The following FBN2 variants were observed in gnomAD, a reference collection of about 807,000 sequenced individuals.
FBN2 encodes the protein fibrillin 2, also known as fibrillin-2.
FBN2 carries 105 observed loss-of-function variants against 355.6 expected under a neutral mutation model. That is an observed-to-expected ratio of 0.30 (90% CI 0.25 to 0.35). The LOEUF is 0.35. Among genes scored for constraint, FBN2 ranks in the 10% least tolerant of loss-of-function variants. The pLI is 1.00. For synonymous variants in FBN2, 1,350 were observed against 1,301.2 expected, an observed-to-expected ratio of 1.04 and a Z score of -0.81; for missense variants, 3,280 against 3,758.7, an observed-to-expected ratio of 0.87 and a Z score of 3.33.
At chr5:128,460,056 T>C (rs1055526531) in intron 6 of FBN2, among the ~76,000 whole-genome samples, 1 of 152,206 alleles carries the variant, frequency 6.6e-6, no homozygotes. Flanking sequence ...ATTGTATATT[T>C]AGAAAACCGC....
At chr5:128,321,339 G>C (rs985725802) in intron 34 of FBN2, among the ~76,000 whole-genome samples, 2 of 152,168 alleles carry the variant, frequency 1.3e-5, no homozygotes, top group African/African-American at 4.8e-5. Flanking sequence ...TACATGTACA[G>C]AATGTGCAGG....
chr5:128,417,597 T>C (rs1224616139), intron 7 of FBN2, among the ~76,000 whole-genome samples: 4 of 152,170 alleles, frequency 2.6e-5, no homozygotes, highest in African/African-American at 4.8e-5. Flanking sequence ...CCTGCATCTA[T>C]TGAGATGATC....
intron 5 of FBN2, among the ~76,000 whole-genome samples, chr5:128,487,409 A>C (rs777138970): frequency 1.3e-5 from 2 of 152,186 alleles, no homozygotes; most frequent in Admixed American, 6.6e-5. Flanking sequence ...TGACTAATAC[A>C]AGGTCTCAGA....
At position 128,358,943 on chromosome 5, in the gene FBN2, T is replaced by C. The variant is rs145315689; in HGVS notation, c.2555-1548A>G. ...CTATTTAGTTTTCCTTTAAATAATA[T>C]GTTGTTATGTTATAAATGTCATGGA... On this transcript the variant is annotated intron_variant, in intron 19 of 64. Coordinates refer to ENST00000262464, the MANE Select transcript of FBN2 (RefSeq NM_001999.4). 2.6e-3 allele frequency among the ~76,000 whole-genome samples: 403 copies of C among 152,138 alleles called. 2 individuals carry two copies. Among genetic ancestry groups the C allele is most frequent in the African/African-American group, 9.3e-3 (387 of 41,556 alleles).
chr5:128,324,391 T>C (rs772169107), intron 34 of FBN2, among the ~76,000 whole-genome samples: 1 of 152,214 alleles, frequency 6.6e-6, no homozygotes, highest in Non-Finnish European at 1.5e-5. Context: ...GTGTTGATTT[T>C]AGATCTTTCT....
At chr5:128,359,454 CA>C (rs1307706476) in intron 19 of FBN2, among the ~76,000 whole-genome samples, 1 of 151,964 alleles carries the variant, frequency 6.6e-6, no homozygotes, top group Non-Finnish European at 1.5e-5. Flanking sequence ...CTATTCTTTG[CA>C]AAACTCTTAA....
At chr5:128,349,866 G>T in intron 22 of FBN2, 89 bp downstream of exon 22, 2 of 1,018,684 alleles carry the variant, frequency 2.0e-6, no homozygotes, top group Non-Finnish European at 3.1e-6. Context: ...TTTTGAAAAT[G>T]ATAAATATCT....
chr5:128,348,978 G>C (rs560259684), intron 23 of FBN2, among the ~76,000 whole-genome samples: 2 of 152,120 alleles, frequency 1.3e-5, no homozygotes, highest in South Asian at 4.2e-4. Flanking sequence ...CTGTCTTCAG[G>C]GTGTAGCTGC....
intron 23 of FBN2, among the ~76,000 whole-genome samples, chr5:128,349,102 T>G (rs935788169): frequency 4.6e-5 from 7 of 152,218 alleles, no homozygotes; most frequent in Admixed American, 1.3e-4. Flanking sequence ...CTAAATTATC[T>G]GGTTAAAGAA....
intron 11 of FBN2, among the ~76,000 whole-genome samples, chr5:128,386,895 G>A: frequency 6.6e-6 from 1 of 151,994 alleles, no homozygotes. Context: ...TTGGCCTAAA[G>A]TTTTCTCCTT....
intron 34 of FBN2, among the ~76,000 whole-genome samples, chr5:128,325,721 T>C (rs1414989099): frequency 5.3e-5 from 8 of 152,218 alleles, no homozygotes; most frequent in Non-Finnish European, 1.2e-4. Flanking sequence ...CTGATGTTTA[T>C]AGTTTTTGTC....
chr5:128,415,051 T>A (rs1456183836), intron 7 of FBN2, among the ~76,000 whole-genome samples: 1 of 152,174 alleles, frequency 6.6e-6, no homozygotes, highest in African/African-American at 2.4e-5. Context: ...TGAATTTCCA[T>A]GTAAACTTTT....
chr5:128,396,448 A>G (rs1194846031), intron 8 of FBN2, among the ~76,000 whole-genome samples: 1 of 152,164 alleles, frequency 6.6e-6, no homozygotes, highest in Non-Finnish European at 1.5e-5. Context: ...TGAGAGGCAA[A>G]ATAAGGTGAC....
In FBN2 at chr5:128,289,242, C is replaced by T. The variant is rs2126819581; in HGVS notation, c.6522G>A (p.Glu2174=). The T allele has an allele frequency of 1.9e-6, 3 of 1,613,958 alleles. No homozygotes were observed. Among genetic ancestry groups the T allele is most frequent in the Non-Finnish European group, 2.5e-6 (3 of 1,179,892 alleles). ...SLHDTREDVN[E]CLESPGICSN... Reference sequence around the variant, plus strand: ...AACAAATGCCTGGGCTCTCAAGACACTCATTGACATCTAAAATATAGAACT... The same window carrying T: ...AACAAATGCCTGGGCTCTCAAGACATTCATTGACATCTAAAATATAGAACT... The change falls in exon 52 of 65, where the codon GAG becomes GAA. Residue 2174 remains glutamate (E), a synonymous_variant. Transcript: ENST00000262464.
At chr5:128,322,641 T>C (rs1340222824) in intron 34 of FBN2, among the ~76,000 whole-genome samples, 1 of 152,236 alleles carries the variant, frequency 6.6e-6, no homozygotes, top group Non-Finnish European at 1.5e-5. Context: ...TCCATTGGTC[T>C]GTATCTCTGT....
At chr5:128,293,774 A>G (rs1230473397) in intron 48 of FBN2, among the ~76,000 whole-genome samples, 1 of 152,130 alleles carries the variant, frequency 6.6e-6, no homozygotes, top group East Asian at 1.9e-4. Flanking sequence ...AGAAGAATCA[A>G]GATTGAGCAT....
chr5:128,401,078 G>C (rs963404751), intron 8 of FBN2, among the ~76,000 whole-genome samples: 4 of 152,218 alleles, frequency 2.6e-5, no homozygotes, highest in Non-Finnish European at 4.4e-5. Context: ...TCCCAGCCAT[G>C]TGGAACTGTA....
At chr5:128,440,546 C>T (rs1561458101) in intron 7 of FBN2, among the ~76,000 whole-genome samples, 1 of 152,168 alleles carries the variant, frequency 6.6e-6, no homozygotes, top group Admixed American at 6.5e-5. Context: ...AGGAAGAAAT[C>T]TGCCCCCATG....
chr5:128,514,938 G>A (rs1485933026), intron 5 of FBN2, among the ~76,000 whole-genome samples: 3 of 152,160 alleles, frequency 2.0e-5, no homozygotes, highest in African/African-American at 7.2e-5. Context: ...AGAATTCTAT[G>A]TAATACCAGC....
Sources: allele counts gnomAD v4.1 joint callset (sites outside exome capture counted in the v4.1 genomes callset), GRCh38; gene constraint gnomAD v4.1.1; transcripts MANE v1.5; gene names NCBI Gene and HGNC (gene_info 2026-07-23, HGNC 2026-07-21).